NUP214: variants seen among roughly 807,000 people sequenced by gnomAD.
NUP214 encodes nuclear pore complex protein Nup214.
In NUP214, 79 loss-of-function variants were observed where a neutral mutation model predicts 196.2. That is an observed-to-expected ratio of 0.40 (90% CI 0.34 to 0.49). The LOEUF (loss-of-function observed/expected upper bound fraction) is 0.49, where lower values mean the gene tolerates loss of function less well. NUP214 is among the 20% of genes least tolerant of loss of function. NUP214 has a pLI of 0.58. For synonymous variants in NUP214, 1,020 were observed against 990.5 expected (o/e 1.03, Z -0.56); for missense variants, 2,468 against 2,539.0 (o/e 0.97, Z 0.60).
chr9:131,175,690 C>A, intron 23 of NUP214, 69 bp downstream of exon 23: 1 of 1,534,748 alleles, frequency 6.5e-7, no homozygotes, highest in Non-Finnish European at 8.8e-7. Context: ...GCCAGGACAG[C>A]AGGTGGCAAG....
intron 6 of NUP214, 148 bp downstream of exon 6, chr9:131,132,807 G>A: frequency 2.8e-6 from 2 of 716,804 alleles, no homozygotes; most frequent in South Asian, 1.8e-5. Context: ...AATTAAGTCA[G>A]TGTAAATTAT....
chr9:131,128,371 C>T lies in NUP214; in HGVS notation c.281C>T (p.Pro94Leu), dbSNP rs759381122. Reference protein sequence around the residue: ...VQGLLVPMKFPIHHLALSCDN... With the variant: ...VQGLLVPMKFLIHHLALSCDN... Reference sequence around the variant, plus strand: ...GGCTTGCTAGTTCCTATGAAATTCCCAATCCATCACCTGGCCTTGAGCTGT... The same window carrying T: ...GGCTTGCTAGTTCCTATGAAATTCCTAATCCATCACCTGGCCTTGAGCTGT... Residue 94 changes from proline to leucine, a missense_variant, in exon 3 of 36, where the codon CCA becomes CTA. Physicochemically the swap from Pro to Leu is moderately conservative, Grantham distance 98 (BLOSUM62 -3). Transcript: ENST00000359428. 6.2e-7 allele frequency: 1 copy of T among 1,612,892 alleles called. No homozygotes were observed. The highest frequency in any genetic ancestry group is 1.1e-5 in the South Asian group (1 of 90,868).
At chr9:131,211,046 A>G (rs914584479) in intron 30 of NUP214, among the ~76,000 whole-genome samples, 9 of 152,238 alleles carry the variant, frequency 5.9e-5, no homozygotes, top group Non-Finnish European at 1.2e-4. Context: ...TAGCTAGTAA[A>G]TTGTAGAACC....
chr9:131,174,343 CTG>C (rs1411490743), intron 22 of NUP214, 25 bp downstream of exon 22: 2 of 1,597,720 alleles, frequency 1.3e-6, no homozygotes, highest in Non-Finnish European at 1.7e-6. Flanking sequence ...GGAAAGGAAA[CTG>C]TTTTTCCCTA....
chr9:131,230,452 A>G (rs1380957649), intron 33 of NUP214, 178 bp from the exon 34 acceptor site: 3 of 640,886 alleles, frequency 4.7e-6, no homozygotes, highest in Non-Finnish European at 8.0e-6. Flanking sequence ...GAGCAGAGAT[A>G]AAAGTTGGCC....
intron 23 of NUP214, among the ~76,000 whole-genome samples, chr9:131,176,550 A>G (rs370514495): frequency 6.6e-6 from 1 of 152,110 alleles, no homozygotes; most frequent in Non-Finnish European, 1.5e-5. Flanking sequence ...GCTGGTCTCA[A>G]ACTCCTGGGC....
At chr9:131,225,777 C>T (rs1387820735) in intron 32 of NUP214, among the ~76,000 whole-genome samples, 1 of 152,226 alleles carries the variant, frequency 6.6e-6, no homozygotes, top group East Asian at 1.9e-4. Context: ...CATCAGGGCA[C>T]TTTTTGCTTT....
At chr9:131,164,829 C>T (rs1050622261) in intron 21 of NUP214, 20 of 152,264 alleles carry the variant, frequency 1.3e-4, no homozygotes, top group Admixed American at 6.5e-4. Context: ...ATAATAACTT[C>T]AATTTAAAGA....
chr9:131,204,121 A>G (rs555482128), intron 30 of NUP214, among the ~76,000 whole-genome samples: 1 of 152,302 alleles, frequency 6.6e-6, no homozygotes, highest in South Asian at 2.1e-4. Flanking sequence ...AATGAGACAC[A>G]CAAGGAAACC....
intron 3 of NUP214, chr9:131,128,724 A>G: frequency 2.3e-6 from 1 of 426,204 alleles, no homozygotes; most frequent in Non-Finnish European, 4.2e-6. Context: ...TGACTTGCCC[A>G]AAGTCATAGA....
At chr9:131,158,140 G>A (rs749258085) in intron 17 of NUP214, among the ~76,000 whole-genome samples, 5 of 151,968 alleles carry the variant, frequency 3.3e-5, no homozygotes, top group African/African-American at 7.2e-5. Context: ...GTGCAGTGGC[G>A]TGATCTCAGC....
rs774854545 is a variant in NUP214 at position 131,198,913 on chromosome 9, G to A, written c.5419G>A (p.Gly1807Arg). ...LFGQSNAPAF[G>R]QSPGFGQGGS... is the part of the protein sequence containing the mutation. ...TGGCCAAAGCAACGCTCCTGCTTTT[G>A]GGCAGAGTCCTGGCTTTGGACAGGG... The change falls in exon 29 of 36, where the codon GGG (glycine) becomes AGG (arginine). Residue 1807 changes from glycine to arginine, a missense_variant. By Grantham distance (125) the Gly-to-Arg change is moderately radical (BLOSUM62 -2). Around this residue, in one of 5 missense-constraint regions of NUP214, gnomAD observed 1,801 missense variants for 1,779.4 expected, o/e 1.01. Transcript: ENST00000359428. 6.2e-7 allele frequency: 1 copy of A among 1,614,172 alleles called. No individual in the cohort carries two copies. Among genetic ancestry groups the A allele is most frequent in the East Asian group, 2.2e-5 (1 of 44,892 alleles).
At chr9:131,228,510 C>G (rs1252455218) in intron 33 of NUP214, 179 bp downstream of exon 33, 7 of 549,096 alleles carry the variant, frequency 1.3e-5, no homozygotes, top group Non-Finnish European at 2.1e-5. Flanking sequence ...TTCGTTCAAG[C>G]CAGGCTTTGT....
chr9:131,166,498 G>A (rs1832789517), intron 21 of NUP214, among the ~76,000 whole-genome samples: 1 of 152,178 alleles, frequency 6.6e-6, no homozygotes, highest in East Asian at 1.9e-4. Context: ...CAGACATTAA[G>A]CAGATAACTG....
chr9:131,234,616 C>T lies in NUP214; in HGVS notation c.*1129C>T, dbSNP rs1834962655. The T allele has an allele frequency of 2.2e-5, 5 of 227,320 alleles. No individual in the cohort carries two copies. Among genetic ancestry groups the T allele is most frequent in the Non-Finnish European group, 4.4e-5 (5 of 114,674 alleles). The allele number at this position is 227,320 out of a possible 1,614,324, so 14.1% of individuals were successfully genotyped here. On this transcript the variant is annotated 3_prime_UTR_variant, in exon 36 of 36. Coordinates refer to ENST00000359428, the MANE Select transcript of NUP214 (RefSeq NM_005085.4). ...TTTTTTTTAGAGTTTTACATATTGG[C>T]AGGTTGTATTTTTTTAATGTTTTAA...
intron 30 of NUP214, among the ~76,000 whole-genome samples, chr9:131,211,187 G>C (rs897509712): frequency 6.6e-6 from 1 of 152,100 alleles, no homozygotes; most frequent in Non-Finnish European, 1.5e-5. Context: ...TTAATAAAAC[G>C]GTATAATTTC....
intron 32 of NUP214, among the ~76,000 whole-genome samples, chr9:131,224,199 TA>T (rs1482575512): frequency 3.3e-5 from 5 of 152,224 alleles, no homozygotes; most frequent in Non-Finnish European, 5.9e-5. Context: ...TATATTTATA[TA>T]AACTATATGC....
chr9:131,182,198 G>A (rs1338334015), intron 24 of NUP214, among the ~76,000 whole-genome samples: 2 of 152,310 alleles, frequency 1.3e-5, no homozygotes, highest in Non-Finnish European at 2.9e-5. Flanking sequence ...GGCAGATTTT[G>A]TTAAGTGTAT....
chr9:131,192,830 A>T (rs1029135163), intron 27 of NUP214: 1 of 150,792 alleles, frequency 6.6e-6, no homozygotes, highest in African/African-American at 2.5e-5. Context: ...AGTCCCAGCC[A>T]CTTGGGAGGC....
Sources: allele counts gnomAD v4.1 joint callset (sites outside exome capture counted in the v4.1 genomes callset), GRCh38; gene constraint gnomAD v4.1.1; regional missense constraint gnomAD v4.1.1; transcripts MANE v1.5; gene names NCBI Gene and HGNC (gene_info 2026-07-23, HGNC 2026-07-21).